TGFBR2: variants seen among roughly 807,000 people sequenced by gnomAD.
The protein encoded by TGFBR2 is TGF-beta receptor type-2.
TGFBR2 carries 18 observed loss-of-function variants against 49.0 expected under a neutral mutation model. The ratio of observed to expected loss-of-function variants is 0.37; its 90% CI spans 0.25 to 0.54. TGFBR2 has a LOEUF of 0.54. Ranked by LOEUF, TGFBR2 falls within the 20% of genes least tolerant of loss-of-function variation. The pLI is 0.85. For missense variants in TGFBR2, 525 were observed against 722.6 expected, an observed-to-expected ratio of 0.73 and a Z score of 3.13; for synonymous variants, 282 against 275.9, an observed-to-expected ratio of 1.02 and a Z score of -0.22.
intron 1 of TGFBR2, among the ~76,000 whole-genome samples, chr3:30,625,475 T>C (rs1698317153): frequency 6.6e-6 from 1 of 152,248 alleles, no homozygotes; most frequent in African/African-American, 2.4e-5. Context: ...GTCAAAACTT[T>C]AGAAATACAG....
At chr3:30,655,697 C>A (rs1052880065) in intron 3 of TGFBR2, among the ~76,000 whole-genome samples, 1 of 152,182 alleles carries the variant, frequency 6.6e-6, no homozygotes, top group Non-Finnish European at 1.5e-5. Context: ...TGAATGACTG[C>A]GCCATTATTG....
intron 3 of TGFBR2, among the ~76,000 whole-genome samples, chr3:30,661,049 T>G (rs1002663721): frequency 3.9e-5 from 6 of 152,252 alleles, no homozygotes; most frequent in Non-Finnish European, 8.8e-5. Flanking sequence ...CTGGTCTCCC[T>G]GTTGGAGAGC....
chr3:30,655,729 G>A (rs1214133770), intron 3 of TGFBR2, among the ~76,000 whole-genome samples: 1 of 152,206 alleles, frequency 6.6e-6, no homozygotes, highest in African/African-American at 2.4e-5. Flanking sequence ...CTGATAAATG[G>A]TACCTGTGGG....
At position 30,606,618 on chromosome 3, in the gene TGFBR2, G is replaced by T. The variant is rs1480993611; in HGVS notation, c.-266G>T. 3 of 356,196 alleles carry T rather than the reference G, an allele frequency of 8.4e-6. No individual in the cohort carries two copies. Among genetic ancestry groups the T allele is most frequent in the Non-Finnish European group, 1.5e-5 (3 of 197,538 alleles). 22.1% of individuals were successfully genotyped at this position (356,196 alleles called of 1,614,324 possible). A position where few individuals can be genotyped will look rare whatever the true frequency, so the allele number is the denominator to read the frequency against. ...AGTGAGTCACTCGCGCGCACGGAGC[G>T]ACGACACCCCCGCGCGTGCACCCGC... On this transcript the variant is annotated 5_prime_UTR_variant, in exon 1 of 7. Transcript: ENST00000295754.
At chr3:30,671,011 G>A (rs1036865145) in intron 3 of TGFBR2, among the ~76,000 whole-genome samples, 1 of 152,236 alleles carries the variant, frequency 6.6e-6, no homozygotes, top group Admixed American at 6.5e-5. Flanking sequence ...AAAGATTTTG[G>A]TGCAAACTGT....
chr3:30,683,271 T>G (rs1011453016), intron 5 of TGFBR2, among the ~76,000 whole-genome samples: 4 of 152,218 alleles, frequency 2.6e-5, no homozygotes. Flanking sequence ...CCAAGTGTGG[T>G]CTTTGGCAGG....
At chr3:30,656,267 C>A (rs1277874217) in intron 3 of TGFBR2, among the ~76,000 whole-genome samples, 1 of 152,210 alleles carries the variant, frequency 6.6e-6, no homozygotes, top group Non-Finnish European at 1.5e-5. Context: ...TAAATATACT[C>A]CACAAATGTT....
intron 1 of TGFBR2, among the ~76,000 whole-genome samples, chr3:30,611,666 T>G (rs1001075382): frequency 7.2e-5 from 11 of 152,174 alleles, no homozygotes; most frequent in Non-Finnish European, 1.6e-4. Flanking sequence ...TTTTTTAAGT[T>G]TCTTTTTTCA....
rs765447250 is a variant in TGFBR2, at chr3:30,672,288, G to T, written c.1105G>T (p.Gly369Trp). The T allele has an allele frequency of 1.2e-6, 2 of 1,605,880 alleles. No homozygotes were observed. The highest frequency in any genetic ancestry group is 2.2e-5 in the South Asian group (2 of 89,770). ...AHLHSDHTPC[G>W]RPKMPIVHRD... ...CCTCCACAGTGATCACACTCCATGT[G>T]GGAGGCCCAAGATGCCCATCGTGCA... The change falls in exon 4 of 7, where the codon GGG becomes TGG. Residue 369 changes from glycine to tryptophan, a missense_variant. Physicochemically the swap from Gly to Trp is radical, Grantham distance 184. This residue lies in a region of TGFBR2 where 376 missense variants were observed against 478.2 expected (regional missense o/e 0.79). Coordinates refer to ENST00000295754, the MANE Select transcript of TGFBR2 (RefSeq NM_003242.6). This position sits in a 1 kb window ranked among gnomAD's most constrained non-coding sequence, Gnocchi z 4.5.
At chr3:30,637,721 C>T (rs1287809825) in intron 1 of TGFBR2, among the ~76,000 whole-genome samples, 4 of 152,036 alleles carry the variant, frequency 2.6e-5, no homozygotes, top group African/African-American at 4.8e-5. Context: ...TTAGTCGTTG[C>T]GTTGTGTTCC....
At chr3:30,668,646 T>C (rs1699285336) in intron 3 of TGFBR2, among the ~76,000 whole-genome samples, 2 of 152,200 alleles carry the variant, frequency 1.3e-5, no homozygotes, top group South Asian at 4.1e-4. Context: ...TGCCCTACTC[T>C]TGCCTGTTCT....
At chr3:30,655,509 G>T (rs1346247820) in intron 3 of TGFBR2, among the ~76,000 whole-genome samples, 1 of 152,172 alleles carries the variant, frequency 6.6e-6, no homozygotes, top group African/African-American at 2.4e-5. Flanking sequence ...AATTAGACAC[G>T]TTGTTCCTGT....
chr3:30,679,050 C>T (rs1416304099), intron 5 of TGFBR2, among the ~76,000 whole-genome samples: 1 of 152,222 alleles, frequency 6.6e-6, no homozygotes, highest in East Asian at 1.9e-4. Flanking sequence ...ACGCCACATT[C>T]TCATTCTGTG....
intron 3 of TGFBR2, among the ~76,000 whole-genome samples, chr3:30,662,450 T>A (rs1248037129): frequency 6.6e-6 from 1 of 152,208 alleles, no homozygotes; most frequent in African/African-American, 2.4e-5. Flanking sequence ...CGAATAGCTT[T>A]GTTCTGAAAT....
chr3:30,637,716 C>T (rs745812035), intron 1 of TGFBR2, among the ~76,000 whole-genome samples: 7 of 152,124 alleles, frequency 4.6e-5, no homozygotes, highest in African/African-American at 1.4e-4. Flanking sequence ...GCTTTTTAGT[C>T]GTTGCGTTGT....
chr3:30,632,383 G>T (rs1041996933), intron 1 of TGFBR2, among the ~76,000 whole-genome samples: 1 of 152,190 alleles, frequency 6.6e-6, no homozygotes, highest in Non-Finnish European at 1.5e-5. Context: ...CCAGACCTAT[G>T]CTGGTTATGA....
chr3:30,634,094 C>T (rs561272634), intron 1 of TGFBR2, among the ~76,000 whole-genome samples: 2 of 152,166 alleles, frequency 1.3e-5, no homozygotes, highest in Admixed American at 1.3e-4. Context: ...AACCCCGCAG[C>T]ATATTTTGAA....
intron 1 of TGFBR2, among the ~76,000 whole-genome samples, chr3:30,637,247 C>A (rs1698553914): frequency 6.6e-6 from 1 of 151,902 alleles, no homozygotes; most frequent in African/African-American, 2.4e-5. Flanking sequence ...ATGGGAGAAA[C>A]CATAGTGCAG....
intron 3 of TGFBR2, 142 bp downstream of exon 3, chr3:30,650,602 G>A: frequency 1.1e-6 from 1 of 887,694 alleles, no homozygotes; most frequent in South Asian, 1.4e-5. Flanking sequence ...GGTGGAAAGA[G>A]GGGCTTGGGG....
Sources: allele counts gnomAD v4.1 joint callset (sites outside exome capture counted in the v4.1 genomes callset), GRCh38; gene constraint gnomAD v4.1.1; regional missense constraint gnomAD v4.1.1; non-coding constraint Gnocchi (gnomAD v3.1); transcripts MANE v1.5; gene names NCBI Gene and HGNC (gene_info 2026-07-23, HGNC 2026-07-21).